Variants in ZNF423 observed in about 807,000 individuals in gnomAD.
The protein encoded by ZNF423 is Ebf-associated zinc finger protein.
Under a neutral mutation model 95.8 loss-of-function variants are expected in ZNF423, and 12 were observed. That is an observed-to-expected ratio of 0.13 (90% CI 0.08 to 0.20). ZNF423 has a LOEUF of 0.20. ZNF423 is among the 10% of genes least tolerant of loss of function. The pLI is 1.00. For missense variants in ZNF423, 1,316 were observed against 1,737.1 expected (o/e 0.76, Z 4.31); for synonymous variants, 749 against 711.9 (o/e 1.05, Z -0.83).
chr16:49,674,075 G>T (rs996809364), intron 3 of ZNF423, among the ~76,000 whole-genome samples: 1 of 152,216 alleles, frequency 6.6e-6, no homozygotes, highest in Admixed American at 6.5e-5. Flanking sequence ...GGCACTCTGA[G>T]AACAAAAATT....
At chr16:49,776,440 C>A (rs1038177731) in intron 2 of ZNF423, among the ~76,000 whole-genome samples, 2 of 152,216 alleles carry the variant, frequency 1.3e-5, no homozygotes, top group Non-Finnish European at 2.9e-5. Flanking sequence ...TCCGAGGCCA[C>A]CCGGGGAGGG....
chr16:49,526,603 G>A (rs1968621166), intron 5 of ZNF423, among the ~76,000 whole-genome samples: 2 of 152,180 alleles, frequency 1.3e-5, no homozygotes, highest in Non-Finnish European at 2.9e-5. Context: ...TTCCCGGGCT[G>A]CAGGAGGACA....
Position 49,649,025 on chromosome 16 carries a change from A to G in ZNF423, c.302-10151T>C, listed in dbSNP as rs1973287464. Among the ~76,000 whole-genome samples, 3 of 152,346 alleles carry G rather than the reference A, an allele frequency of 2.0e-5. No homozygotes were observed. In the East Asian group the frequency reaches 5.8e-4, roughly 29 times the overall value. On this transcript the variant is annotated intron_variant, in intron 3 of 7. Coordinates refer to ENST00000563137, the MANE Select transcript of ZNF423 (RefSeq NM_001379286.1). The stretch of plus-strand genomic sequence containing the variant: ...AGGTTCTTGAAAAGTTTATACTGAC[A>G]GAAACACTGCCAGCTTAAACCAAAA...
Position 49,773,342 on chromosome 16 carries a change from C to CA in ZNF423, c.100+16144dup, listed in dbSNP as rs553432764. On this transcript the variant is annotated intron_variant, in intron 2 of 7. Coordinates refer to ENST00000563137, the MANE Select transcript of ZNF423 (RefSeq NM_001379286.1). ...TCACAAAAAAAAAACAAAAAGCAAACAAAAAAAGCCATCAGATTTTGTGAG... is the reference window on the plus strand; with the variant it reads ...TCACAAAAAAAAAACAAAAAGCAAACAAAAAAAAGCCATCAGATTTTGTGAG... 2.9e-3 allele frequency among the ~76,000 whole-genome samples: 435 copies of CA among 151,916 alleles called. 4 individuals are homozygous for CA. Among genetic ancestry groups the CA allele is most frequent in the African/African-American group, 0.01 (415 of 41,468 alleles).
At chr16:49,642,594 T>C (rs144277730) in intron 3 of ZNF423, among the ~76,000 whole-genome samples, 100 of 152,280 alleles carry the variant, frequency 6.6e-4, no homozygotes, top group African/African-American at 2.3e-3. Flanking sequence ...CATGTTGACA[T>C]ATAAAGTCCC....
chr16:49,638,915 G>A lies in ZNF423; in HGVS notation c.302-41C>T. 5 of 1,552,242 alleles carry A rather than the reference G, an allele frequency of 3.2e-6. No homozygotes were observed. Among genetic ancestry groups the A allele is most frequent in the Non-Finnish European group, 4.4e-6 (5 of 1,147,622 alleles). ...GAGAGGATATTAGAGGCAATTCCCA[G>A]GGCTGCCGAGAAACAAGGACAGAGC... On this transcript the variant is annotated intron_variant, in intron 3 of 7. Coordinates refer to ENST00000563137, the MANE Select transcript of ZNF423 (RefSeq NM_001379286.1). This position sits in a 1 kb window ranked among gnomAD's most constrained non-coding sequence, Gnocchi z 5.6.
rs139716565 is a variant in ZNF423 at position 49,807,958 on chromosome 16, T to C, written c.41-18412A>G. Among the ~76,000 whole-genome samples, 516 of 152,324 alleles carry C rather than the reference T, an allele frequency of 3.4e-3. 5 individuals carry two copies. Among genetic ancestry groups the C allele is most frequent in the African/African-American group, 0.011 (467 of 41,584 alleles). On this transcript the variant is annotated intron_variant, in intron 1 of 7. Coordinates refer to ENST00000563137, the MANE Select transcript of ZNF423 (RefSeq NM_001379286.1). ...GAGTCACGGGATGCTTTTCTTCCCA[T>C]CAACTCCCTGCTTTTTCTTACATTC... is the stretch of plus-strand genomic sequence containing the variant.
chr16:49,538,526 C>T (rs1259668081), intron 5 of ZNF423, among the ~76,000 whole-genome samples: 1 of 152,232 alleles, frequency 6.6e-6, no homozygotes, highest in Non-Finnish European at 1.5e-5. Flanking sequence ...CCAGGCTCCA[C>T]AGCCATCATT....
At chr16:49,805,337 A>G (rs11649548) in intron 1 of ZNF423, among the ~76,000 whole-genome samples, 108,784 of 152,118 alleles carry the variant, frequency 0.72, 39,084 homozygotes, top group East Asian at 0.78. Flanking sequence ...CCACCTCTTC[A>G]CACGTTACCA....
chr16:49,854,549 G>A lies in ZNF423; in HGVS notation c.40+1186C>T, dbSNP rs2035336578. On this transcript the variant is annotated intron_variant, in intron 1 of 7. Transcript: ENST00000563137. Reference sequence around the variant, plus strand: ...GGGAGATGGGAGAAGACAAGGGCCTGGGGGCTTTTGGCTCCGTAGACTTAG... The same window carrying A: ...GGGAGATGGGAGAAGACAAGGGCCTAGGGGCTTTTGGCTCCGTAGACTTAG... 6 of 985,452 alleles carry A rather than the reference G, an allele frequency of 6.1e-6. No homozygotes were observed. The South Asian group carries it at 2.8e-4, about 46-fold the overall frequency. 61.0% of individuals were successfully genotyped at this position (985,452 alleles called of 1,614,324 possible).
At chr16:49,500,215 T>C (rs1466697448) in intron 7 of ZNF423, among the ~76,000 whole-genome samples, 2 of 152,070 alleles carry the variant, frequency 1.3e-5, no homozygotes, top group African/African-American at 2.4e-5. Context: ...CTGCTGTTTC[T>C]CCAAAGAAGG....
chr16:49,806,346 G>A (rs1036560501), intron 1 of ZNF423, among the ~76,000 whole-genome samples: 5 of 152,252 alleles, frequency 3.3e-5, no homozygotes, highest in African/African-American at 1.2e-4. Context: ...TCAGGGTATG[G>A]TACAGAGGAC....
intron 2 of ZNF423, among the ~76,000 whole-genome samples, chr16:49,771,186 T>A (rs1383529417): frequency 7.0e-6 from 1 of 142,148 alleles, no homozygotes; most frequent in Non-Finnish European, 1.5e-5. Flanking sequence ...TTTCTTTTTT[T>A]TTTTTCTTTT....
chr16:49,814,964 G>A (rs1202950747), intron 1 of ZNF423, among the ~76,000 whole-genome samples: 1 of 152,036 alleles, frequency 6.6e-6, no homozygotes, highest in Non-Finnish European at 1.5e-5. Context: ...CATCTCTCCT[G>A]ACCTCCTCTT....
chr16:49,655,978 C>T (rs1379014284), intron 3 of ZNF423, among the ~76,000 whole-genome samples: 5 of 152,154 alleles, frequency 3.3e-5, no homozygotes, highest in African/African-American at 1.2e-4. Flanking sequence ...AAGTCTCCAA[C>T]TCTCCAAGTG....
chr16:49,626,110 C>T, intron 5 of ZNF423, 60 bp downstream of exon 5: 2 of 1,545,542 alleles, frequency 1.3e-6, no homozygotes, highest in Non-Finnish European at 1.8e-6. Flanking sequence ...ATGATTGGAA[C>T]CGCAAATTTA....
At chr16:49,854,666 C>G (rs1440303733) in intron 1 of ZNF423, 1 of 985,316 alleles carries the variant, frequency 1.0e-6, no homozygotes, top group African/African-American at 1.7e-5. Context: ...CGGGACAAAG[C>G]AGCAGGCAAG....
chr16:49,849,973 A>C (rs903741271), intron 1 of ZNF423, among the ~76,000 whole-genome samples: 3 of 152,264 alleles, frequency 2.0e-5, no homozygotes, highest in African/African-American at 7.2e-5. Flanking sequence ...TATTCCTGAC[A>C]TCAATCAAGA....
intron 5 of ZNF423, among the ~76,000 whole-genome samples, chr16:49,534,175 A>T (rs1725611034): frequency 6.6e-6 from 1 of 152,186 alleles, no homozygotes; most frequent in Non-Finnish European, 1.5e-5. Flanking sequence ...ATTAAAAAAA[A>T]ATTAAAGAAT....
Sources: gnomAD v4.1 joint callset for allele counts (sites outside exome capture counted in the v4.1 genomes callset) on GRCh38, gnomAD v4.1.1 for gene constraint, Gnocchi (gnomAD v3.1) non-coding constraint, MANE v1.5 for transcripts, NCBI Gene and HGNC (gene_info 2026-07-23, HGNC 2026-07-21) for gene names.